USP33: variants seen among roughly 807,000 people sequenced by gnomAD.
USP33 encodes ubiquitin carboxyl-terminal hydrolase 33.
A neutral mutation model predicts 124.2 loss-of-function variants in USP33; 46 were observed. That is an observed-to-expected ratio of 0.37 (90% CI 0.29 to 0.47). The LOEUF is 0.47. Among genes scored for constraint, USP33 ranks in the 20% least tolerant of loss-of-function variants. The pLI, the probability that USP33 is intolerant of heterozygous loss-of-function variation, is 0.99. For missense variants in USP33, 851 were observed against 1,070.6 expected, an observed-to-expected ratio of 0.79 and a Z score of 2.86; for synonymous variants, 350 against 352.3, an observed-to-expected ratio of 0.99 and a Z score of 0.07.
At chr1:77,747,774 G>C (rs531870359) in intron 1 of USP33, among the ~76,000 whole-genome samples, 1 of 152,120 alleles carries the variant, frequency 6.6e-6, no homozygotes, top group Non-Finnish European at 1.5e-5. Flanking sequence ...ATAAGGCTTT[G>C]ATCCATCTGG....
intron 5 of USP33, among the ~76,000 whole-genome samples, chr1:77,738,551 G>C (rs1296170691): frequency 6.6e-6 from 1 of 151,780 alleles, no homozygotes; most frequent in African/African-American, 2.4e-5. Context: ...CAAGGTCTCG[G>C]CTCACTGCCA....
chr1:77,705,493 C>A (rs1674526871), intron 21 of USP33, among the ~76,000 whole-genome samples: 1 of 151,988 alleles, frequency 6.6e-6, no homozygotes, highest in Admixed American at 6.6e-5. Context: ...CTGAGCCCAG[C>A]CAATTTTATT....
chr1:77,754,771 C>T (rs915909792), intron 1 of USP33, among the ~76,000 whole-genome samples: 3 of 152,140 alleles, frequency 2.0e-5, no homozygotes, highest in South Asian at 2.1e-4. Context: ...AAAAGAAATA[C>T]GCAGTCTTCT....
chr1:77,718,136 A>G (rs901405557), intron 16 of USP33, 89 bp from the exon 17 acceptor site: 1 of 1,155,890 alleles, frequency 8.7e-7, no homozygotes, highest in Middle Eastern at 2.1e-4. Flanking sequence ...TTTTTATTCA[A>G]CAAGCAAGAA....
chr1:77,702,325 G>A (rs1184834539), intron 21 of USP33, among the ~76,000 whole-genome samples: 1 of 151,884 alleles, frequency 6.6e-6, no homozygotes, highest in Admixed American at 6.6e-5. Context: ...TCAAGACAAA[G>A]TCTTCAAAAC....
At chr1:77,713,347 A>ATT in intron 19 of USP33, 66 bp from the exon 20 acceptor site, 1 of 1,226,762 alleles carries the variant, frequency 8.2e-7, no homozygotes, top group South Asian at 1.4e-5. Context: ...CATTAAACTC[A>ATT]TTTTTTTTTT....
In USP33 at chr1:77,729,650, G is replaced by A. The variant is rs550207045; in HGVS notation, c.717+210C>T. ...TGCACCACTGCACTCCAGCCTGGGC[G>A]ATAGAGCAAGACTCTGCCTCAAAAA... On this transcript the variant is annotated intron_variant, in intron 9 of 23. Transcript: ENST00000370794. 1.7e-4 allele frequency among the ~76,000 whole-genome samples: 26 copies of A among 152,050 alleles called. No homozygotes were observed. In the South Asian group the frequency reaches 5.0e-3, roughly 29 times the overall value.
Position 77,728,910 on chromosome 1 carries a change from C to CT in USP33, c.718-199dup, listed in dbSNP as rs1423909566. On this transcript the variant is annotated intron_variant, in intron 9 of 23. Coordinates refer to ENST00000370794, the MANE Select transcript of USP33 (RefSeq NM_201624.3). Reference sequence around the variant, plus strand: ...AAAAAGTTATGTAAATAAAAGTTTTCTTTTTTTGAGATGGGGTCTCATTCT... The same window carrying CT: ...AAAAAGTTATGTAAATAAAAGTTTTCTTTTTTTTGAGATGGGGTCTCATTCT... Among the ~76,000 whole-genome samples, 3 of 152,080 alleles carry CT rather than the reference C, an allele frequency of 2.0e-5. No homozygotes were observed. In the East Asian group the frequency reaches 5.8e-4, roughly 29 times the overall value.
chr1:77,735,077 T>C (rs1051243605), intron 6 of USP33, among the ~76,000 whole-genome samples: 2 of 151,438 alleles, frequency 1.3e-5, no homozygotes, highest in African/African-American at 2.4e-5. Context: ...GAGCCGAGAT[T>C]GCACCACTGC....
intron 10 of USP33, among the ~76,000 whole-genome samples, chr1:77,726,648 GA>G (rs112444513): frequency 1.5e-3 from 200 of 135,352 alleles, no homozygotes; most frequent in Non-Finnish European, 1.8e-3. Flanking sequence ...CCTGTTTCAG[GA>G]AAAAAAAAAA....
chr1:77,718,500 TC>T, intron 16 of USP33, 95 bp downstream of exon 16: 1 of 1,022,548 alleles, frequency 9.8e-7, no homozygotes, highest in Non-Finnish European at 1.5e-6. Context: ...ATTCAATTCT[TC>T]AACCAAGCAA....
At position 77,728,364 on chromosome 1, in the gene USP33, A is replaced by C; in HGVS notation, c.1066T>G (p.Ser356Ala). The change falls in exon 10 of 24, where the codon TCT becomes GCT. Residue 356 changes from serine (S) to alanine (A), a missense_variant. By Grantham distance (99) the Ser-to-Ala change is moderately conservative (BLOSUM62 1). Coordinates refer to ENST00000370794, the MANE Select transcript of USP33 (RefSeq NM_201624.3). ...TTTAAGTCGACTGTTTCAGATATAGAGTCTCTATCTTTATCAAATTCGCCT... is the reference window on the plus strand; with the variant it reads ...TTTAAGTCGACTGTTTCAGATATAGCGTCTCTATCTTTATCAAATTCGCCT... ...SEGEFDKDRD[S>A]ISETVDLNNQ... The C allele has an allele frequency of 6.2e-7, 1 of 1,613,294 alleles. No homozygotes were observed. Among genetic ancestry groups the C allele is most frequent in the South Asian group, 1.1e-5 (1 of 90,794 alleles).
Position 77,739,385 on chromosome 1 carries a change from G to A in USP33, c.231C>T (p.Thr77=), listed in dbSNP as rs61750806. ...ETKHYLTVNL[T]TLRVWCYACS... ...AAGCATAACACCATACTCGAAGAGT[G>A]GTAAGGTTCACAGTTAGATAATGCT... is the stretch of plus-strand genomic sequence containing the variant. The change falls in exon 5 of 24, where the codon ACC becomes ACT. Residue 77 remains threonine, a synonymous_variant. Coordinates refer to ENST00000370794, the MANE Select transcript of USP33 (RefSeq NM_201624.3). 1.3e-4 allele frequency: 217 copies of A among 1,612,530 alleles called. No homozygotes were observed. The highest frequency in any genetic ancestry group is 1.7e-4 in the Non-Finnish European group (206 of 1,179,392).
In USP33 at chr1:77,725,706, T is replaced by C; in HGVS notation, c.1192A>G (p.Asn398Asp). The C allele has an allele frequency of 6.2e-7, 1 of 1,614,126 alleles. No individual in the cohort carries two copies. Among genetic ancestry groups the C allele is most frequent in the Non-Finnish European group, 8.5e-7 (1 of 1,180,006 alleles). ...GATAAACGTGGATTAACACCTTCAT[T>C]TGATGGAAGGATCTGTGGTGTAGAC... ...DLSTPQILPS[N>D]EGVNPRLSAS... The change falls in exon 11 of 24, where the codon AAT becomes GAT. Residue 398 changes from asparagine (N) to aspartate (D), a missense_variant. This residue lies in a region of USP33 where 207 missense variants were observed against 200.9 expected (regional missense o/e 1.03). Transcript: ENST00000370794.
At chr1:77,737,911 C>T (rs1570828543) in intron 5 of USP33, among the ~76,000 whole-genome samples, 1 of 152,080 alleles carries the variant, frequency 6.6e-6, no homozygotes, top group South Asian at 2.1e-4. Flanking sequence ...TTTTTTAAAA[C>T]TTTTTCTACT....
At position 77,728,494 on chromosome 1, in the gene USP33, A is replaced by G; in HGVS notation, c.936T>C (p.Asn312=). ...CCTGAATTAACATTGTTGTTTCATT[A>G]TTATCTTCAGAAAAGCATCTAGAGC... ...ENGSRCFSED[N]NETTMLIQDD... is the part of the protein sequence containing the mutation. Residue 312 remains asparagine, a synonymous_variant, in exon 10 of 24, where the codon AAT becomes AAC. Coordinates refer to ENST00000370794, the MANE Select transcript of USP33 (RefSeq NM_201624.3). 6.2e-7 allele frequency: 1 copy of G among 1,614,068 alleles called. No individual in the cohort carries two copies. The highest frequency in any genetic ancestry group is 8.5e-7 in the Non-Finnish European group (1 of 1,179,984).
At chr1:77,746,129 C>T (rs934829706) in intron 1 of USP33, among the ~76,000 whole-genome samples, 13 of 151,208 alleles carry the variant, frequency 8.6e-5, no homozygotes, top group African/African-American at 1.7e-4. Flanking sequence ...ATTGATAGAC[C>T]GCTAGCAAGA....
In USP33 at chr1:77,697,197, A is replaced by G; in HGVS notation, c.*120T>C. 1.1e-6 allele frequency: 1 copy of G among 951,802 alleles called. No homozygotes were observed. Among genetic ancestry groups the G allele is most frequent in the Non-Finnish European group, 1.5e-6 (1 of 656,044 alleles). The allele number at this position is 951,802 out of a possible 1,614,324, so 59.0% of individuals were successfully genotyped here. A position where few individuals can be genotyped will look rare whatever the true frequency, so the allele number is the denominator to read the frequency against. ...CATAATGCCCACTAAGAAGAAATAA[A>G]TGGGATAAATGATGAAAAAAAATAA... On this transcript the variant is annotated 3_prime_UTR_variant, in exon 24 of 24. Transcript: ENST00000370794.
chr1:77,733,205 G>A (rs1182617643), intron 7 of USP33, among the ~76,000 whole-genome samples: 1 of 152,052 alleles, frequency 6.6e-6, no homozygotes, highest in Non-Finnish European at 1.5e-5. Flanking sequence ...ACCAGCCTAG[G>A]CAACAAGGTG....
Sources: gnomAD v4.1 joint callset for allele counts (sites outside exome capture counted in the v4.1 genomes callset) on GRCh38, gnomAD v4.1.1 for gene constraint, gnomAD v4.1.1 regional missense constraint, MANE v1.5 for transcripts, NCBI Gene and HGNC (gene_info 2026-07-23, HGNC 2026-07-21) for gene names.